Variants in MFSD2B observed in about 807,000 individuals in gnomAD.
MFSD2B encodes MFSD2 lysolipid transporter B, sphingolipid.
MFSD2B carries 56 observed loss-of-function variants against 58.4 expected under a neutral mutation model. The observed-to-expected ratio is 0.96, with a 90% CI of 0.77 to 1.20. The LOEUF (loss-of-function observed/expected upper bound fraction) is 1.20. Among genes scored for constraint, MFSD2B ranks in the 50% most tolerant of loss-of-function variants. MFSD2B has a pLI of 0.00. For missense variants in MFSD2B, 645 were observed against 667.6 expected, an observed-to-expected ratio of 0.97 and a Z score of 0.37; for synonymous variants, 287 against 294.4, an observed-to-expected ratio of 0.97 and a Z score of 0.26.
In MFSD2B at chr2:24,021,970, G is replaced by T. The variant is rs1338738548; in HGVS notation, c.894G>T (p.Gln298His). 6.2e-7 allele frequency: 1 copy of T among 1,613,896 alleles called. No homozygotes were observed. The highest frequency in any genetic ancestry group is 2.2e-5 in the East Asian group (1 of 44,906). Reference sequence around the variant, plus strand: ...TCCTGTTCATCTCTGCTGCTGTTCAGGTACCTCTGGCCAGCTGCCCCCGAC... The same window carrying T: ...TCCTGTTCATCTCTGCTGCTGTTCATGTACCTCTGGCCAGCTGCCCCCGAC... ...ISFLFISAAV[Q>H]VEQSYLVLFC... The change falls in exon 8 of 14, where the codon CAG (glutamine) becomes CAT (histidine). Residue 298 changes from glutamine (Q) to histidine (H), a missense_variant and splice_region_variant. Transcript: ENST00000338315. This position sits in a 1 kb window ranked among gnomAD's most constrained non-coding sequence, Gnocchi z 5.7.
chr2:24,023,035 G>T lies in MFSD2B; in HGVS notation c.1060-95G>T. The T allele has an allele frequency of 7.5e-7, 1 of 1,330,654 alleles. No individual in the cohort carries two copies. Among genetic ancestry groups the T allele is most frequent in the Non-Finnish European group, 1.1e-6 (1 of 931,360 alleles). 82.4% of individuals were successfully genotyped at this position (1,330,654 alleles called of 1,614,324 possible). On this transcript the variant is annotated intron_variant, in intron 10 of 13. Transcript: ENST00000338315. This position sits in a 1 kb window ranked among gnomAD's most constrained non-coding sequence, Gnocchi z 5.0. ...CTTGAGTCTTTAGGGCCTAGCACAG[G>T]GCAAGGCATGGGGGTCGTCAGTCGA...
At position 24,012,128 on chromosome 2, in the gene MFSD2B, GAAACAAAC is replaced by G. The variant is rs1164447658; in HGVS notation, c.97-1141_97-1134del. 2.8e-5 allele frequency among the ~76,000 whole-genome samples: 4 copies of G among 144,950 alleles called. No individual in the cohort carries two copies. Among genetic ancestry groups the G allele is most frequent in the African/African-American group, 1.0e-4 (4 of 38,874 alleles). On this transcript the variant is annotated intron_variant, in intron 1 of 13. Coordinates refer to ENST00000338315, the MANE Select transcript of MFSD2B (RefSeq NM_001346880.2). This position sits in a 1 kb window ranked among gnomAD's most constrained non-coding sequence, Gnocchi z 4.5. ...GTATTGACTGAATACCATGGATCTG[GAAACAAAC>G]AAACAAACAAACAAAACACACACAC...
rs774055909 is a variant in MFSD2B, at chr2:24,022,772, C to T, written c.979-50C>T. 1.4e-6 allele frequency: 2 copies of T among 1,398,966 alleles called. No homozygotes were observed. The highest frequency in any genetic ancestry group is 4.9e-5 in the East Asian group (2 of 40,946). The allele number at this position is 1,398,966 out of a possible 1,614,324, so 86.7% of individuals were successfully genotyped here. A position where few individuals can be genotyped will look rare whatever the true frequency, so the allele number is the denominator to read the frequency against. On this transcript the variant is annotated intron_variant, in intron 9 of 13. Transcript: ENST00000338315. This position sits in a 1 kb window ranked among gnomAD's most constrained non-coding sequence, Gnocchi z 4.5. ...AAAGCCAAGGCCTTGGGGTCCCAGG[C>T]AAAGGCGCTGGCAGCACGGCCCTGG...
rs1662834473 is a variant in MFSD2B at position 24,022,596 on chromosome 2, T to C, written c.978+80T>C. The C allele has an allele frequency of 8.4e-7, 1 of 1,194,760 alleles. No homozygotes were observed. The highest frequency in any genetic ancestry group is 2.3e-5 in the Admixed American group (1 of 44,182). 74.0% of individuals were successfully genotyped at this position (1,194,760 alleles called of 1,614,324 possible). ...CATGTGTGGTCCTTGATGTGACACA[T>C]ATGGCCAGAGTTCTGGTGGTCAACA... is the stretch of plus-strand genomic sequence containing the variant. On this transcript the variant is annotated intron_variant, in intron 9 of 13. Coordinates refer to ENST00000338315, the MANE Select transcript of MFSD2B (RefSeq NM_001346880.2). The surrounding 1 kb of genome is among the most constrained non-coding windows in gnomAD (Gnocchi z 4.5).
At chr2:24,015,212 G>A (rs1216369665) in intron 2 of MFSD2B, among the ~76,000 whole-genome samples, 1 of 151,770 alleles carries the variant, frequency 6.6e-6, no homozygotes, top group East Asian at 1.9e-4. Flanking sequence ...AAGGCGGGAG[G>A]ACCGTCTAAG....
chr2:24,016,056 T>TC, intron 2 of MFSD2B, 100 bp from the exon 3 acceptor site: 1 of 1,455,074 alleles, frequency 6.9e-7, no homozygotes, highest in Non-Finnish European at 9.6e-7. Flanking sequence ...TGCCCTCCGG[T>TC]CCCGGTTCCC....
intron 1 of MFSD2B, among the ~76,000 whole-genome samples, chr2:24,011,570 A>G (rs925229): frequency 0.47 from 71,184 of 151,930 alleles, 17,265 homozygotes; most frequent in East Asian, 0.77. Context: ...GGGTGAAGCC[A>G]TGTCATCTCC....
In MFSD2B at chr2:24,022,427, C is replaced by T; in HGVS notation, c.895-6C>T. 1 of 1,611,688 alleles carries T rather than the reference C, an allele frequency of 6.2e-7. No homozygotes were observed. The highest frequency in any genetic ancestry group is 8.5e-7 in the Non-Finnish European group (1 of 1,178,822). On this transcript the variant is annotated splice_polypyrimidine_tract_variant and splice_region_variant and intron_variant, in intron 8 of 13. Transcript: ENST00000338315. The surrounding 1 kb of genome is among the most constrained non-coding windows in gnomAD (Gnocchi z 4.5). ...GCACATACCCACTTCCTGTCCATCT[C>T]CTCAGGTGGAGCAGAGCTACCTGGT...
chr2:24,022,715 AG>A lies in MFSD2B; in HGVS notation c.979-103del. 2.1e-6 allele frequency: 2 copies of A among 931,254 alleles called. No individual in the cohort carries two copies. The highest frequency in any genetic ancestry group is 1.6e-6 in the Non-Finnish European group (1 of 628,494). The allele number at this position is 931,254 out of a possible 1,614,324, so 57.7% of individuals were successfully genotyped here. A position where few individuals can be genotyped will look rare whatever the true frequency, so the allele number is the denominator to read the frequency against. On this transcript the variant is annotated intron_variant, in intron 9 of 13. Transcript: ENST00000338315. This position sits in a 1 kb window ranked among gnomAD's most constrained non-coding sequence, Gnocchi z 4.5. The stretch of plus-strand genomic sequence containing the variant: ...ACATTCATAGCCACCGGTTTGAACC[AG>A]GGGCAAGGCCAAGGTCAGGCATCCA...
rs894052777 is a variant in MFSD2B, at chr2:24,026,692, G to T, written c.*1236G>T. 6.6e-6 allele frequency: 1 copy of T among 152,208 alleles called. No individual in the cohort carries two copies. The highest frequency in any genetic ancestry group is 1.9e-4 in the East Asian group (1 of 5,202). The allele number at this position is 152,208 out of a possible 1,614,324, so 9.4% of individuals were successfully genotyped here. A position where few individuals can be genotyped will look rare whatever the true frequency, so the allele number is the denominator to read the frequency against. ...CACGGGGACAGAAACTCTTGTGTAG[G>T]GGACCCTTTTAGATTTCATTCTATA... On this transcript the variant is annotated 3_prime_UTR_variant, in exon 14 of 14. Coordinates refer to ENST00000338315, the MANE Select transcript of MFSD2B (RefSeq NM_001346880.2).
rs761459648 is a variant in MFSD2B at position 24,017,385 on chromosome 2, C to T, written c.550+21C>T. The T allele has an allele frequency of 2.1e-5, 34 of 1,600,094 alleles. No individual in the cohort carries two copies. The highest frequency in any genetic ancestry group is 8.0e-5 in the African/African-American group (6 of 74,602). On this transcript the variant is annotated intron_variant, in intron 5 of 13. Transcript: ENST00000338315. This position sits in a 1 kb window ranked among gnomAD's most constrained non-coding sequence, Gnocchi z 4.8. The stretch of plus-strand genomic sequence containing the variant: ...CTACCGTGAGTGCAGCCGTGGGTTT[C>T]GGGTTCCAGGGAGGCAACTGCCCCT...
chr2:24,023,322 AC>A lies in MFSD2B; in HGVS notation c.1169+86del. ...AAACCTGCCGTCCCAGGCCCCCTGC[AC>A]CCAGCCTGTGCAGGAGATGGAGGCC... is the stretch of plus-strand genomic sequence containing the variant. On this transcript the variant is annotated intron_variant, in intron 11 of 13. Coordinates refer to ENST00000338315, the MANE Select transcript of MFSD2B (RefSeq NM_001346880.2). This position sits in a 1 kb window ranked among gnomAD's most constrained non-coding sequence, Gnocchi z 5.0. 1 of 1,209,840 alleles carries A rather than the reference AC, an allele frequency of 8.3e-7. No homozygotes were observed. The highest frequency in any genetic ancestry group is 1.2e-6 in the Non-Finnish European group (1 of 827,618). 74.9% of individuals were successfully genotyped at this position (1,209,840 alleles called of 1,614,324 possible).
At chr2:24,015,364 A>T (rs972379825) in intron 2 of MFSD2B, among the ~76,000 whole-genome samples, 1 of 152,022 alleles carries the variant, frequency 6.6e-6, no homozygotes, top group African/African-American at 2.4e-5. Flanking sequence ...AGGTGGGAGA[A>T]TCACCTGAGC....
At chr2:24,014,103 C>T (rs934361414) in intron 2 of MFSD2B, among the ~76,000 whole-genome samples, 2 of 151,960 alleles carry the variant, frequency 1.3e-5, no homozygotes, top group Non-Finnish European at 2.9e-5. Context: ...ACCTCTGCCT[C>T]CCGGGTTTAG....
rs1165334990 is a variant in MFSD2B at position 24,020,327 on chromosome 2, A to G, written c.682-1321A>G. ...CAAAATTGAAATCCATTATAAAATT[A>G]TTAAGAATCTCAAGACAGCAACAGC... On this transcript the variant is annotated intron_variant, in intron 6 of 13. Transcript: ENST00000338315. This position sits in a 1 kb window ranked among gnomAD's most constrained non-coding sequence, Gnocchi z 4.1. Among the ~76,000 whole-genome samples the G allele has an allele frequency of 6.6e-6, 1 of 152,142 alleles. No individual in the cohort carries two copies. The highest frequency in any genetic ancestry group is 1.5e-5 in the Non-Finnish European group (1 of 68,014).
chr2:24,023,797 C>A lies in MFSD2B; in HGVS notation c.1313+71C>A. ...GGCAGGAAGAGGGCAAAGCCCCTCACCTACCAAGCTCAGGGCATCCATGAG... is the reference window on the plus strand; with the variant it reads ...GGCAGGAAGAGGGCAAAGCCCCTCAACTACCAAGCTCAGGGCATCCATGAG... On this transcript the variant is annotated intron_variant, in intron 12 of 13. Transcript: ENST00000338315. The surrounding 1 kb of genome is among the most constrained non-coding windows in gnomAD (Gnocchi z 5.0). The A allele has an allele frequency of 1.9e-6, 3 of 1,564,816 alleles. No homozygotes were observed. The highest frequency in any genetic ancestry group is 2.3e-5 in the South Asian group (2 of 86,144).
intron 2 of MFSD2B, among the ~76,000 whole-genome samples, chr2:24,015,400 C>T (rs1184800429): frequency 1.3e-5 from 2 of 151,194 alleles, no homozygotes; most frequent in African/African-American, 2.4e-5. Context: ...TGCAGTGAGC[C>T]GAGATGGTGC....
intron 2 of MFSD2B, 124 bp downstream of exon 2, chr2:24,013,534 A>C: frequency 9.5e-7 from 1 of 1,049,706 alleles, no homozygotes; most frequent in Non-Finnish European, 1.3e-6. Context: ...GCTCAACAAA[A>C]AGCCAGAAGC....
Position 24,013,380 on chromosome 2 carries a change from C to T in MFSD2B, c.192C>T (p.Tyr64=), listed in dbSNP as rs1466643258. 3 of 1,609,944 alleles carry T rather than the reference C, an allele frequency of 1.9e-6. No individual in the cohort carries two copies. The South Asian group carries it at 3.3e-5, about 18-fold the overall frequency. ...NQIASSATAF[Y]LQLFLLDIAQ... ...TAGCCTCCAGCGCCACAGCCTTTTACCTGCAGCTTTTCCTGCTTGATATAG... is the reference window on the plus strand; with the variant it reads ...TAGCCTCCAGCGCCACAGCCTTTTATCTGCAGCTTTTCCTGCTTGATATAG... Residue 64 remains tyrosine, a synonymous_variant, in exon 2 of 14, where the codon TAC becomes TAT. Transcript: ENST00000338315.
Sources: gnomAD v4.1 joint callset for allele counts (sites outside exome capture counted in the v4.1 genomes callset) on GRCh38, gnomAD v4.1.1 for gene constraint, Gnocchi (gnomAD v3.1) non-coding constraint, MANE v1.5 for transcripts, NCBI Gene and HGNC (gene_info 2026-07-23, HGNC 2026-07-21) for gene names.